The following DLGAP1 variants were observed in gnomAD, a reference collection of about 807,000 sequenced individuals.
DLGAP1 encodes the protein disks large-associated protein 1.
In DLGAP1, 11 loss-of-function variants were observed where a neutral mutation model predicts 90.8. The ratio of observed to expected loss-of-function variants is 0.12; its 90% CI spans 0.08 to 0.20. The LOEUF (loss-of-function observed/expected upper bound fraction) is 0.20. Ranked by LOEUF, DLGAP1 falls within the 10% of genes least tolerant of loss-of-function variation. The pLI is 1.00. For synonymous variants in DLGAP1, 558 were observed against 540.7 expected (o/e 1.03, Z -0.44); for missense variants, 1,050 against 1,333.8 (o/e 0.79, Z 3.31).
At chr18:4,402,362 C>A (rs2082572869) in intron 1 of DLGAP1, among the ~76,000 whole-genome samples, 1 of 152,158 alleles carries the variant, frequency 6.6e-6, no homozygotes, top group South Asian at 2.1e-4. Flanking sequence ...ACAGGTTTGT[C>A]AGAAACAGAT....
chr18:4,117,861 T>G (rs1468618874), intron 2 of DLGAP1, among the ~76,000 whole-genome samples: 1 of 152,160 alleles, frequency 6.6e-6, no homozygotes, highest in Non-Finnish European at 1.5e-5. Flanking sequence ...AGTTTGTGCT[T>G]AAGCCTCTAG....
chr18:3,783,809 T>C (rs545780630), intron 5 of DLGAP1, among the ~76,000 whole-genome samples: 2 of 151,522 alleles, frequency 1.3e-5, no homozygotes, highest in South Asian at 4.1e-4. Flanking sequence ...CAAAAAGCAA[T>C]ATCCTTTGGA....
Position 3,499,170 on chromosome 18 carries a change from C to G in DLGAP1, c.*15G>C. 6 of 1,539,462 alleles carry G rather than the reference C, an allele frequency of 3.9e-6. No individual in the cohort carries two copies. The highest frequency in any genetic ancestry group is 5.2e-6 in the Non-Finnish European group (6 of 1,151,138). Reference sequence around the variant, plus strand: ...GGGACAGATGCTTGGCGGCGGCGGCCGGGCTGCGGGGCGCTCAGAGCCGGG... The same window carrying G: ...GGGACAGATGCTTGGCGGCGGCGGCGGGGCTGCGGGGCGCTCAGAGCCGGG... On this transcript the variant is annotated 3_prime_UTR_variant, in exon 13 of 13. Coordinates refer to ENST00000315677, the MANE Select transcript of DLGAP1 (RefSeq NM_004746.4). The surrounding 1 kb of genome is among the most constrained non-coding windows in gnomAD (Gnocchi z 6.4).
chr18:4,356,475 C>T (rs555148548), intron 1 of DLGAP1, among the ~76,000 whole-genome samples: 34 of 152,098 alleles, frequency 2.2e-4, no homozygotes, highest in Non-Finnish European at 4.6e-4. Context: ...CAACAATGGA[C>T]AATTTTATAT....
At chr18:3,679,410 A>G (rs191950476) in intron 7 of DLGAP1, among the ~76,000 whole-genome samples, 3 of 152,098 alleles carry the variant, frequency 2.0e-5, no homozygotes, top group Non-Finnish European at 4.4e-5. Context: ...TGACTTCCCA[A>G]AAAACACAGC....
intron 2 of DLGAP1, among the ~76,000 whole-genome samples, chr18:4,016,677 C>A (rs1012028781): frequency 6.6e-6 from 1 of 151,436 alleles, no homozygotes; most frequent in South Asian, 2.1e-4. Context: ...TAAAAAAAAT[C>A]TTTCTCAAGC....
intron 1 of DLGAP1, among the ~76,000 whole-genome samples, chr18:4,368,148 G>A (rs1156902030): frequency 6.6e-6 from 1 of 152,064 alleles, no homozygotes; most frequent in South Asian, 2.1e-4. Context: ...GTCAATCAGA[G>A]GCAGCGTCTT....
intron 5 of DLGAP1, among the ~76,000 whole-genome samples, chr18:3,813,008 T>C (rs539088840): frequency 6.6e-6 from 1 of 152,324 alleles, no homozygotes; most frequent in Non-Finnish European, 1.5e-5. Context: ...TATTTCTACA[T>C]TCCAAGACTC....
chr18:3,693,265 T>A (rs568799430), intron 7 of DLGAP1, among the ~76,000 whole-genome samples: 1 of 152,178 alleles, frequency 6.6e-6, no homozygotes, highest in Non-Finnish European at 1.5e-5. Flanking sequence ...ATTTTTTTTT[T>A]TTGTAGAGAT....
chr18:3,915,523 A>G (rs1055948675), intron 3 of DLGAP1, among the ~76,000 whole-genome samples: 1 of 152,232 alleles, frequency 6.6e-6, no homozygotes, highest in African/African-American at 2.4e-5. Context: ...GCAACTTAAA[A>G]AGGGCATTTA....
chr18:4,191,345 A>G (rs1420162245), intron 1 of DLGAP1, among the ~76,000 whole-genome samples: 2 of 152,302 alleles, frequency 1.3e-5, no homozygotes, highest in East Asian at 3.9e-4. Flanking sequence ...TTTCCTTTAC[A>G]TAGAGCCTAA....
chr18:4,285,782 C>T (rs1385942476), intron 1 of DLGAP1, among the ~76,000 whole-genome samples: 2 of 152,158 alleles, frequency 1.3e-5, no homozygotes, highest in Non-Finnish European at 2.9e-5. Context: ...AACATGGCTA[C>T]TGGGATTGGT....
intron 3 of DLGAP1, among the ~76,000 whole-genome samples, chr18:3,928,515 A>G (rs894655722): frequency 6.6e-6 from 1 of 152,322 alleles, no homozygotes; most frequent in Non-Finnish European, 1.5e-5. Flanking sequence ...AGTGATGATG[A>G]TAATAAGAAT....
intron 1 of DLGAP1, among the ~76,000 whole-genome samples, chr18:4,249,156 G>A (rs919677413): frequency 6.6e-6 from 1 of 152,032 alleles, no homozygotes; most frequent in South Asian, 2.1e-4. Flanking sequence ...CTTATATGTT[G>A]TAATCACTTA....
At chr18:4,116,524 C>A (rs572823004) in intron 2 of DLGAP1, among the ~76,000 whole-genome samples, 2 of 152,102 alleles carry the variant, frequency 1.3e-5, no homozygotes, top group South Asian at 4.2e-4. Context: ...TTCTTTCAGG[C>A]ACTGTTTATT....
chr18:4,016,919 G>A (rs533402239), intron 2 of DLGAP1, among the ~76,000 whole-genome samples: 1 of 152,306 alleles, frequency 6.6e-6, no homozygotes, highest in Admixed American at 6.5e-5. Context: ...TGACTGTGCA[G>A]ATTAAATGCA....
intron 1 of DLGAP1, among the ~76,000 whole-genome samples, chr18:4,384,301 G>A (rs962700586): frequency 1.3e-5 from 2 of 152,026 alleles, no homozygotes; most frequent in African/African-American, 4.8e-5. Context: ...AAGTTATTAA[G>A]TTAATATGTT....
intron 2 of DLGAP1, among the ~76,000 whole-genome samples, chr18:4,019,847 C>T (rs7226495): frequency 0.28 from 42,980 of 151,832 alleles, 7,076 homozygotes; most frequent in African/African-American, 0.44. Flanking sequence ...GCACACACCC[C>T]CTTCCCTCCC....
intron 1 of DLGAP1, among the ~76,000 whole-genome samples, chr18:4,250,921 T>TAA (rs138749902): frequency 1.3e-5 from 2 of 150,562 alleles, no homozygotes; most frequent in African/African-American, 4.9e-5. Flanking sequence ...TATATTCAAT[T>TAA]AAAAAAAAAC....
Sources: gnomAD v4.1 joint callset for allele counts (sites outside exome capture counted in the v4.1 genomes callset) on GRCh38, gnomAD v4.1.1 for gene constraint, Gnocchi (gnomAD v3.1) non-coding constraint, MANE v1.5 for transcripts, NCBI Gene and HGNC (gene_info 2026-07-23, HGNC 2026-07-21) for gene names.